Variants in MCPH1 observed in about 807,000 individuals in gnomAD.
The protein encoded by MCPH1 is microcephalin 1.
MCPH1 carries 104 observed loss-of-function variants against 84.5 expected under a neutral mutation model. The observed-to-expected ratio is 1.23, with a 90% CI of 1.05 to 1.45. The LOEUF (loss-of-function observed/expected upper bound fraction) is 1.45. Among genes scored for constraint, MCPH1 ranks in the 40% most tolerant of loss-of-function variants. MCPH1 has a pLI of 0.00. For missense variants in MCPH1, 1,498 were observed against 1,005.7 expected (o/e 1.49, Z -6.62); for synonymous variants, 514 against 366.8 (o/e 1.40, Z -4.58).
intron 11 of MCPH1, among the ~76,000 whole-genome samples, chr8:6,486,673 T>G (rs1456101533): frequency 6.6e-6 from 1 of 152,210 alleles, no homozygotes; most frequent in Non-Finnish European, 1.5e-5. Context: ...AGAGAATAAT[T>G]TATGTTTTTC....
chr8:6,526,257 TAAAAAAAAAAAAA>T (rs35519559), intron 12 of MCPH1, among the ~76,000 whole-genome samples: 5 of 77,502 alleles, frequency 6.5e-5, no homozygotes, highest in African/African-American at 8.5e-5. Flanking sequence ...TTGCCTCTAC[TAAAAAAAAAAAAA>T]AAAAAAAAAA....
intron 12 of MCPH1, among the ~76,000 whole-genome samples, chr8:6,584,617 A>G (rs545409219): frequency 1.5e-4 from 23 of 152,358 alleles, no homozygotes; most frequent in African/African-American, 4.6e-4. Flanking sequence ...AGGCTTATCT[A>G]TCTTAAGAAG....
In MCPH1 at chr8:6,643,288, G is replaced by A. The variant is rs143335239; in HGVS notation, c.*239G>A. 1.4e-4 allele frequency: 75 copies of A among 519,906 alleles called. No individual in the cohort carries two copies. The highest frequency in any genetic ancestry group is 1.2e-3 in the African/African-American group (64 of 52,160). The allele number at this position is 519,906 out of a possible 1,614,324, so 32.2% of individuals were successfully genotyped here. A position where few individuals can be genotyped will look rare whatever the true frequency, so the allele number is the denominator to read the frequency against. ...TATTTTATTTTTTATTTTTTGAGACGGAGTCCTGCCCTGTTTCCCAGGCTG... is the reference window on the plus strand; with the variant it reads ...TATTTTATTTTTTATTTTTTGAGACAGAGTCCTGCCCTGTTTCCCAGGCTG... On this transcript the variant is annotated 3_prime_UTR_variant, in exon 14 of 14. Transcript: ENST00000344683.
intron 12 of MCPH1, chr8:6,617,247 G>T (rs1031660045): frequency 1.7e-5 from 2 of 120,876 alleles, no homozygotes; most frequent in Non-Finnish European, 3.1e-5. Flanking sequence ...AAAGTTATGG[G>T]TTTTTTGGTG....
At chr8:6,535,485 G>T (rs989389373) in intron 12 of MCPH1, among the ~76,000 whole-genome samples, 2 of 152,074 alleles carry the variant, frequency 1.3e-5, no homozygotes, top group African/African-American at 2.4e-5. Flanking sequence ...CTAAGTATAG[G>T]TTCACAGTGG....
chr8:6,629,134 C>T (rs116926431), intron 13 of MCPH1, among the ~76,000 whole-genome samples: 1,906 of 152,326 alleles, frequency 0.013, 16 homozygotes, highest in Non-Finnish European at 0.018. Flanking sequence ...GTCATAAGGG[C>T]AAGGCCCTAA....
At chr8:6,591,945 G>A (rs1178952247) in intron 12 of MCPH1, among the ~76,000 whole-genome samples, 1 of 152,152 alleles carries the variant, frequency 6.6e-6, no homozygotes, top group African/African-American at 2.4e-5. Context: ...TACAATGCTG[G>A]GGGAAACCTA....
chr8:6,532,597 T>A, intron 12 of MCPH1: 17 of 744,548 alleles, frequency 2.3e-5, no homozygotes, highest in Non-Finnish European at 3.3e-5. Flanking sequence ...AAAAAATCTA[T>A]CAAAAGACTT....
At chr8:6,598,907 G>A in intron 12 of MCPH1, among the ~76,000 whole-genome samples, 1 of 152,256 alleles carries the variant, frequency 6.6e-6, no homozygotes, top group Non-Finnish European at 1.5e-5. Context: ...TCAGCTCAGC[G>A]TGAAAACACA....
intron 12 of MCPH1, chr8:6,501,933 T>G (rs1325390310): frequency 6.6e-6 from 1 of 152,026 alleles, no homozygotes. Context: ...GAAACCCTTT[T>G]TTTTTTTTCA....
chr8:6,621,825 TG>T, intron 13 of MCPH1, 134 bp downstream of exon 13: 1 of 1,200,106 alleles, frequency 8.3e-7, no homozygotes, highest in African/African-American at 1.5e-5. Flanking sequence ...CTCCAGCATC[TG>T]CCCTGGCAGC....
intron 11 of MCPH1, among the ~76,000 whole-genome samples, chr8:6,484,633 G>A (rs1378578940): frequency 6.6e-6 from 1 of 152,248 alleles, no homozygotes; most frequent in Non-Finnish European, 1.5e-5. Flanking sequence ...TGTCCCTCCA[G>A]TGGGTGAATG....
intron 12 of MCPH1, among the ~76,000 whole-genome samples, chr8:6,591,532 A>C (rs1214918255): frequency 6.6e-6 from 1 of 152,240 alleles, no homozygotes; most frequent in Non-Finnish European, 1.5e-5. Flanking sequence ...AGGTTTTAAA[A>C]TACCTGAATG....
chr8:6,418,303 C>A (rs911854965), intron 3 of MCPH1, among the ~76,000 whole-genome samples: 13 of 152,108 alleles, frequency 8.5e-5, no homozygotes, highest in Non-Finnish European at 1.6e-4. Context: ...AGTGGTGATG[C>A]CCAGATTCTT....
intron 10 of MCPH1, among the ~76,000 whole-genome samples, chr8:6,479,308 G>A (rs569173043): frequency 3.9e-5 from 6 of 152,122 alleles, no homozygotes; most frequent in African/African-American, 1.4e-4. Flanking sequence ...CATTTGGAAG[G>A]AAGAGTGTTA....
At chr8:6,429,853 C>T (rs1801586334) in intron 3 of MCPH1, among the ~76,000 whole-genome samples, 1 of 152,164 alleles carries the variant, frequency 6.6e-6, no homozygotes, top group Non-Finnish European at 1.5e-5. Context: ...CTGCCCACGA[C>T]CCCTCCCTCA....
chr8:6,562,749 G>C (rs1162488477), intron 12 of MCPH1: 1 of 1,613,718 alleles, frequency 6.2e-7, no homozygotes, highest in Non-Finnish European at 8.5e-7. Context: ...GCACAGCATT[G>C]GACACGTAGG....
rs866595729 is a variant in MCPH1, at chr8:6,414,885, T to C, written c.233+2T>C. The C allele has an allele frequency of 1.2e-6, 2 of 1,613,060 alleles. No homozygotes were observed. Among genetic ancestry groups the C allele is most frequent in the African/African-American group, 2.7e-5 (2 of 74,778 alleles). On this transcript the variant is annotated splice_donor_variant, in intron 3 of 13. Coordinates refer to ENST00000344683, the MANE Select transcript of MCPH1 (RefSeq NM_024596.5). LOFTEE classifies it high-confidence loss of function. ...CGTTTCGGTGCTCTGGGTGGAAAAG[T>C]AAGCAGTTTCTCTCTTACTTTTTTT...
chr8:6,457,383 G>A (rs143748537), intron 9 of MCPH1, among the ~76,000 whole-genome samples: 7,693 of 151,706 alleles, frequency 0.051, 475 homozygotes, highest in African/African-American at 0.14. Context: ...TCAGGAGTTC[G>A]AGACCAGCCT....
Sources: allele counts gnomAD v4.1 joint callset (sites outside exome capture counted in the v4.1 genomes callset), GRCh38; gene constraint gnomAD v4.1.1; transcripts MANE v1.5; gene names NCBI Gene and HGNC (gene_info 2026-07-23, HGNC 2026-07-21).